Variants in PRKCA observed in about 807,000 individuals in gnomAD.
The protein encoded by PRKCA is protein kinase C alpha type.
A neutral mutation model predicts 87.0 loss-of-function variants in PRKCA; 27 were observed. The observed-to-expected ratio is 0.31, with a 90% CI of 0.23 to 0.43. PRKCA has a LOEUF of 0.43. PRKCA is among the 20% of genes least tolerant of loss of function. PRKCA has a pLI of 1.00. For synonymous variants in PRKCA, 329 were observed against 311.1 expected (o/e 1.06, Z -0.61); for missense variants, 518 against 852.3 (o/e 0.61, Z 4.88).
intron 5 of PRKCA, among the ~76,000 whole-genome samples, chr17:66,667,217 G>A (rs969799986): frequency 5.3e-5 from 8 of 152,146 alleles, no homozygotes; most frequent in African/African-American, 1.4e-4. Flanking sequence ...AGGTAAAATG[G>A]CCACCAGGAT....
intron 2 of PRKCA, among the ~76,000 whole-genome samples, chr17:66,467,999 G>A (rs978883843): frequency 1.4e-4 from 21 of 152,118 alleles, no homozygotes; most frequent in African/African-American, 4.8e-4. Flanking sequence ...TGACAGAAAT[G>A]ACTCTTAGTT....
chr17:66,347,350 C>CTT (rs1907443210), intron 2 of PRKCA, among the ~76,000 whole-genome samples: 1 of 152,032 alleles, frequency 6.6e-6, no homozygotes, highest in South Asian at 2.1e-4. Flanking sequence ...AAGTGTATGT[C>CTT]TAACACATAT....
chr17:66,771,288 A>G (rs1232429821), intron 13 of PRKCA, among the ~76,000 whole-genome samples: 1 of 152,216 alleles, frequency 6.6e-6, no homozygotes, highest in East Asian at 1.9e-4. Context: ...TACAGGCGTG[A>G]GCCACTGCCC....
At position 66,697,817 on chromosome 17, in the gene PRKCA, A is replaced by T. The variant is rs1349870643; in HGVS notation, c.918+8770A>T. The stretch of plus-strand genomic sequence containing the variant: ...CCCCCACCCCCAGACTGAGTCCCTA[A>T]ATGTGCCCCCATGGACAGTGAATGC... On this transcript the variant is annotated intron_variant, in intron 8 of 16. Transcript: ENST00000413366. 2.0e-5 allele frequency among the ~76,000 whole-genome samples: 3 copies of T among 151,314 alleles called. No homozygotes were observed. In the East Asian group the frequency reaches 5.9e-4, roughly 30 times the overall value.
chr17:66,616,816 G>GT (rs1268400135), intron 3 of PRKCA, among the ~76,000 whole-genome samples: 3 of 152,048 alleles, frequency 2.0e-5, no homozygotes, highest in Admixed American at 6.5e-5. Flanking sequence ...AGGTTAGGTG[G>GT]TAAGGAGGCA....
intron 8 of PRKCA, among the ~76,000 whole-genome samples, chr17:66,698,011 G>C (rs2144078478): frequency 6.6e-6 from 1 of 152,294 alleles, no homozygotes; most frequent in East Asian, 1.9e-4. Flanking sequence ...TAGCCCTCAA[G>C]AGGGAAAAAG....
chr17:66,390,079 C>CA (rs1910278832), intron 2 of PRKCA, among the ~76,000 whole-genome samples: 1 of 152,166 alleles, frequency 6.6e-6, no homozygotes, highest in Non-Finnish European at 1.5e-5. Context: ...CAAAATTAGC[C>CA]AGGTGTGATG....
intron 8 of PRKCA, among the ~76,000 whole-genome samples, chr17:66,716,044 G>C (rs1352095980): frequency 6.6e-6 from 1 of 152,158 alleles, no homozygotes; most frequent in African/African-American, 2.4e-5. Context: ...CTTGGCTTTA[G>C]AGGATCTTCA....
At chr17:66,335,388 G>A (rs368343870) in intron 2 of PRKCA, among the ~76,000 whole-genome samples, 4 of 151,914 alleles carry the variant, frequency 2.6e-5, no homozygotes, top group East Asian at 3.9e-4. Flanking sequence ...TCCCACCTTG[G>A]CCTCTCAAAG....
chr17:66,623,961 TC>T (rs1170342843), intron 3 of PRKCA, among the ~76,000 whole-genome samples: 2 of 152,024 alleles, frequency 1.3e-5, no homozygotes, highest in African/African-American at 2.4e-5. Context: ...AGAGGGACTT[TC>T]CTGACCAGGG....
chr17:66,758,731 C>G (rs1974613043), intron 13 of PRKCA, among the ~76,000 whole-genome samples: 1 of 152,166 alleles, frequency 6.6e-6, no homozygotes, highest in African/African-American at 2.4e-5. Context: ...GCAGTAGCCT[C>G]TCATCTTTGT....
intron 2 of PRKCA, among the ~76,000 whole-genome samples, chr17:66,494,217 T>G (rs1037041059): frequency 6.6e-6 from 1 of 152,204 alleles, no homozygotes; most frequent in Non-Finnish European, 1.5e-5. Context: ...GAAAATAGCG[T>G]ATGAGCCACA....
rs117365653 is a variant in PRKCA at position 66,548,845 on chromosome 17, C to T, written c.288+52562C>T. 1.9e-3 allele frequency among the ~76,000 whole-genome samples: 285 copies of T among 152,008 alleles called. 7 individuals are homozygous for T. In the East Asian group the frequency reaches 0.049, roughly 26 times the overall value. On this transcript the variant is annotated intron_variant, in intron 3 of 16. Transcript: ENST00000413366. ...TTGAAGCAGGCTCTCTCTCTGTTGC[C>T]CAGGCTGGAGTGTAGTGGCGCAATC...
At chr17:66,728,538 C>T (rs1973810948) in intron 8 of PRKCA, among the ~76,000 whole-genome samples, 2 of 152,222 alleles carry the variant, frequency 1.3e-5, no homozygotes, top group Non-Finnish European at 1.5e-5. Context: ...AGGCCAAGGT[C>T]ATATTGCAAA....
intron 3 of PRKCA, among the ~76,000 whole-genome samples, chr17:66,609,570 C>A (rs1430358384): frequency 2.0e-5 from 3 of 152,002 alleles, no homozygotes; most frequent in African/African-American, 7.3e-5. Context: ...GTAAATATAT[C>A]TTATTGATTT....
intron 2 of PRKCA, among the ~76,000 whole-genome samples, chr17:66,371,448 G>A (rs1342580065): frequency 6.6e-6 from 1 of 152,202 alleles, no homozygotes; most frequent in Admixed American, 6.5e-5. Context: ...TTGAACCTGA[G>A]AGAGACAGTC....
At chr17:66,764,645 TG>T (rs1363814689) in intron 13 of PRKCA, among the ~76,000 whole-genome samples, 34 of 152,238 alleles carry the variant, frequency 2.2e-4, no homozygotes, top group Non-Finnish European at 1.5e-4. Context: ...GTGGCCTTGT[TG>T]GGGGTCTGTC....
chr17:66,342,151 C>T (rs113520297), intron 2 of PRKCA, among the ~76,000 whole-genome samples: 3,625 of 152,206 alleles, frequency 0.024, 147 homozygotes, highest in African/African-American at 0.083. Flanking sequence ...TGGCGGGGCG[C>T]GGTGGCTCAT....
At position 66,796,729 on chromosome 17, in the gene PRKCA, A is replaced by G. The variant is rs113756297; in HGVS notation, c.1855-7144A>G. 3.6e-4 allele frequency: 353 copies of G among 985,308 alleles called. 1 individual carries two copies. In the African/African-American group the frequency reaches 5.5e-3, roughly 15 times the overall value. The allele number at this position is 985,308 out of a possible 1,614,324, so 61.0% of individuals were successfully genotyped here. A position where few individuals can be genotyped will look rare whatever the true frequency, so the allele number is the denominator to read the frequency against. On this transcript the variant is annotated intron_variant, in intron 16 of 16. Transcript: ENST00000413366. ...AATGCACCAGCCCATTTCTGCTGTT[A>G]TTTAACTTAAAAGAAGACGCTGTGC...
Sources: allele counts gnomAD v4.1 joint callset (sites outside exome capture counted in the v4.1 genomes callset), GRCh38; gene constraint gnomAD v4.1.1; transcripts MANE v1.5; gene names NCBI Gene and HGNC (gene_info 2026-07-23, HGNC 2026-07-21).